The following IQSEC1 variants were observed in gnomAD, a reference collection of about 807,000 sequenced individuals.
IQSEC1 encodes the protein IQ motif and SEC7 domain-containing protein 1.
IQSEC1 carries 31 observed loss-of-function variants against 91.0 expected under a neutral mutation model. That is an observed-to-expected ratio of 0.34 (90% CI 0.26 to 0.46). The LOEUF (loss-of-function observed/expected upper bound fraction) is 0.46. Among genes scored for constraint, IQSEC1 ranks in the 20% least tolerant of loss-of-function variants. The probability of loss-of-function intolerance (pLI) is 1.00; values close to 1 mark genes in which losing one functional copy is unlikely to be tolerated. For synonymous variants in IQSEC1, 699 were observed against 662.6 expected (o/e 1.05, Z -0.84); for missense variants, 1,388 against 1,575.6 (o/e 0.88, Z 2.02).
At position 13,047,614 on chromosome 3, in the gene IQSEC1, G is replaced by A. The variant is rs544665001; in HGVS notation, c.23+25378C>T. On this transcript the variant is annotated intron_variant, in intron 1 of 13. Coordinates refer to ENST00000613206, the MANE Select transcript of IQSEC1 (RefSeq NM_001134382.3). ...ATGTCCACTCAGGCCCCAGCAGGTG[G>A]TCCCAGGACAGGTCCTGGGGCAACT... 40 of 613,676 alleles carry A rather than the reference G, an allele frequency of 6.5e-5. No individual in the cohort carries two copies. In the African/African-American group the frequency reaches 7.2e-4, roughly 11 times the overall value. 38.0% of individuals were successfully genotyped at this position (613,676 alleles called of 1,614,324 possible). A position where few individuals can be genotyped will look rare whatever the true frequency, so the allele number is the denominator to read the frequency against.
At chr3:13,249,258 G>A (rs1695155935) in intron 1 of IQSEC1, among the ~76,000 whole-genome samples, 1 of 141,938 alleles carries the variant, frequency 7.0e-6, no homozygotes, top group Non-Finnish European at 1.5e-5. Context: ...TGCAAGCTCT[G>A]CCTCCTAGGT....
chr3:13,250,262 TAGCTGAGGCTCAGCG>T (rs1174867600), intron 1 of IQSEC1, among the ~76,000 whole-genome samples: 1 of 151,878 alleles, frequency 6.6e-6, no homozygotes, highest in Middle Eastern at 3.2e-3. Context: ...GACAGCGAGA[TAGCTGAGGCTCAGCG>T]GCACACACAG....
chr3:13,053,220 G>C, intron 1 of IQSEC1: 1 of 638,708 alleles, frequency 1.6e-6, no homozygotes. Context: ...GGGATGCTGC[G>C]ACCCATCCTT....
At chr3:12,915,467 T>G (rs1695990570) in intron 7 of IQSEC1, 127 bp downstream of exon 7, 1 of 1,027,662 alleles carries the variant, frequency 9.7e-7, no homozygotes, top group South Asian at 1.6e-5. Context: ...CCCCAAGCCC[T>G]GGCAGAATTC....
At chr3:12,943,080 C>T (rs1698905635) in intron 1 of IQSEC1, among the ~76,000 whole-genome samples, 1 of 152,240 alleles carries the variant, frequency 6.6e-6, no homozygotes, top group African/African-American at 2.4e-5. Flanking sequence ...TAAAAGCAGT[C>T]TACAAAGAGG....
Position 12,911,636 on chromosome 3 carries a change from C to T in IQSEC1, c.2409G>A (p.Glu803=). 1 of 1,612,524 alleles carries T rather than the reference C, an allele frequency of 6.2e-7. No individual in the cohort carries two copies. The highest frequency in any genetic ancestry group is 1.1e-5 in the South Asian group (1 of 91,042). ...CCCTGGGGGCAGACTTACACTGGTT[C>T]TCGAAGAGCAGGACCTGCATGCCGT... ...SLYGMQVLLF[E]NQYYPNGIRL... The change falls in exon 10 of 14, where the codon GAG becomes GAA. Residue 803 remains glutamate, a synonymous_variant. Coordinates refer to ENST00000613206, the MANE Select transcript of IQSEC1 (RefSeq NM_001134382.3).
chr3:13,039,529 G>A lies in IQSEC1; in HGVS notation c.23+33463C>T, dbSNP rs578102869. 7.9e-5 allele frequency among the ~76,000 whole-genome samples: 12 copies of A among 152,294 alleles called. No homozygotes were observed. The East Asian group carries it at 2.3e-3, about 29-fold the overall frequency. On this transcript the variant is annotated intron_variant, in intron 1 of 13. Transcript: ENST00000613206. ...TGGCTCCATTTGCAGAGCTTTCCTG[G>A]GGAAGGATCCGTTTGGGTGAGGACA...
rs1695819511 is a variant in IQSEC1, at chr3:13,282,746, G to C, written c.237C>G (p.Leu79=). ...GGCCGCCGAGCTCCGGGATGGCGCC[G>C]AGCGGCTGCGGGCCGGGGCCGGGGC... Residue 79 remains leucine (L), a synonymous_variant, in exon 1 of 16, where the codon CTC becomes CTG. Transcript: ENST00000648114. This position sits in a 1 kb window ranked among gnomAD's most constrained non-coding sequence, Gnocchi z 6.4. Among the ~76,000 whole-genome samples, 1 of 149,152 alleles carries C rather than the reference G, an allele frequency of 6.7e-6. No individual in the cohort carries two copies. The highest frequency in any genetic ancestry group is 2.1e-4 in the South Asian group (1 of 4,820).
intron 2 of IQSEC1, among the ~76,000 whole-genome samples, chr3:13,115,173 C>T (rs959974779): frequency 2.6e-5 from 4 of 152,216 alleles, no homozygotes; most frequent in Admixed American, 6.5e-5. Flanking sequence ...AGCAATGTAA[C>T]GCCCAGGGAG....
At chr3:13,142,413 T>C (rs531375212) in intron 2 of IQSEC1, among the ~76,000 whole-genome samples, 1 of 152,274 alleles carries the variant, frequency 6.6e-6, no homozygotes, top group East Asian at 1.9e-4. Flanking sequence ...AGAATAATCA[T>C]CAGCTCTGAA....
chr3:13,083,564 C>T (rs1051518205), intron 2 of IQSEC1, among the ~76,000 whole-genome samples: 1 of 152,270 alleles, frequency 6.6e-6, no homozygotes, highest in African/African-American at 2.4e-5. Context: ...TCCCACTGCA[C>T]AAATGCCCAT....
chr3:13,253,082 C>G (rs1483678471), intron 1 of IQSEC1, among the ~76,000 whole-genome samples: 1 of 152,208 alleles, frequency 6.6e-6, no homozygotes. Flanking sequence ...TGTGAGGTTG[C>G]TTCTCGCTGT....
chr3:13,178,050 C>T (rs978946740), intron 1 of IQSEC1, among the ~76,000 whole-genome samples: 6 of 152,278 alleles, frequency 3.9e-5, no homozygotes, highest in Non-Finnish European at 8.8e-5. Flanking sequence ...CCTGAACACA[C>T]TGAGATACCT....
intron 1 of IQSEC1, among the ~76,000 whole-genome samples, chr3:13,280,442 G>A (rs1004052947): frequency 3.9e-5 from 6 of 152,322 alleles, no homozygotes; most frequent in Non-Finnish European, 7.3e-5. Flanking sequence ...AGAACCCCAC[G>A]CATGTGAGCA....
chr3:13,003,421 G>T (rs1702510324), intron 1 of IQSEC1, among the ~76,000 whole-genome samples: 1 of 152,038 alleles, frequency 6.6e-6, no homozygotes, highest in Admixed American at 6.6e-5. Flanking sequence ...GATATGAAAT[G>T]CTCAGAAAGA....
chr3:12,986,058 G>T (rs1033525546), intron 1 of IQSEC1, among the ~76,000 whole-genome samples: 1 of 152,268 alleles, frequency 6.6e-6, no homozygotes, highest in South Asian at 2.1e-4. Context: ...TCTCATTTCA[G>T]CCTGAGCGAC....
chr3:12,995,301 A>G (rs1298048131), intron 1 of IQSEC1, among the ~76,000 whole-genome samples: 1 of 152,224 alleles, frequency 6.6e-6, no homozygotes, highest in Non-Finnish European at 1.5e-5. Context: ...CCCCCTCTGG[A>G]CTTCTGGGAG....
chr3:13,252,422 A>T (rs59621906), intron 1 of IQSEC1, among the ~76,000 whole-genome samples: 1 of 152,176 alleles, frequency 6.6e-6, no homozygotes, highest in African/African-American at 2.4e-5. Flanking sequence ...CATAGACCAC[A>T]GTTTGTGAAT....
intron 1 of IQSEC1, among the ~76,000 whole-genome samples, chr3:13,274,941 A>G (rs940761914): frequency 1.1e-4 from 16 of 152,062 alleles, no homozygotes; most frequent in East Asian, 9.7e-4. Context: ...ACGGCCCCCA[A>G]TGTTTCCAAA....
Sources: allele counts gnomAD v4.1 joint callset (sites outside exome capture counted in the v4.1 genomes callset), GRCh38; gene constraint gnomAD v4.1.1; non-coding constraint Gnocchi (gnomAD v3.1); transcripts MANE v1.5; gene names NCBI Gene and HGNC (gene_info 2026-07-23, HGNC 2026-07-21).